SYT16: variants seen among roughly 807,000 people sequenced by gnomAD.
The protein encoded by SYT16 is synaptotagmin 16, also known as synaptotagmin-16.
A neutral mutation model predicts 61.4 loss-of-function variants in SYT16; 42 were observed. The ratio of observed to expected loss-of-function variants is 0.68; its 90% confidence interval spans 0.53 to 0.89. SYT16 has a LOEUF of 0.89. SYT16 is among the 40% of genes least tolerant of loss of function. The pLI is 0.00. For synonymous variants in SYT16, 314 were observed against 302.3 expected, an observed-to-expected ratio of 1.04 and a Z score of -0.40; for missense variants, 804 against 807.3, an observed-to-expected ratio of 1.00 and a Z score of 0.05.
chr14:62,011,001 A>G lies in SYT16; in HGVS notation c.523+14459A>G, dbSNP rs554227408. ...TAAATCAGTTTGTACATGAACCACA[A>G]TTTCTTACCCTTAATATTTCCCTTT... On this transcript the variant is annotated intron_variant, in intron 3 of 7. Transcript: ENST00000683842. Among the ~76,000 whole-genome samples the G allele has an allele frequency of 3.3e-5, 5 of 152,268 alleles. No individual in the cohort carries two copies. In the East Asian group the frequency reaches 9.6e-4, roughly 29 times the overall value.
chr14:61,954,818 C>T (rs1476992455), intron 1 of SYT16, among the ~76,000 whole-genome samples: 1 of 152,038 alleles, frequency 6.6e-6, no homozygotes, highest in Non-Finnish European at 1.5e-5. Context: ...GTGCTGACTA[C>T]AATTCTCATG....
chr14:61,866,042 AGTT>A (rs2047142171), intron 1 of SYT16, among the ~76,000 whole-genome samples: 1 of 152,204 alleles, frequency 6.6e-6, no homozygotes, highest in Non-Finnish European at 1.5e-5. Context: ...TTAAAATGTA[AGTT>A]GTTTTAATTA....
intron 1 of SYT16, chr14:61,831,909 C>T: frequency 2.0e-6 from 1 of 498,778 alleles, no homozygotes; most frequent in Non-Finnish European, 3.9e-6. Flanking sequence ...CTGGCGAAGC[C>T]CTGCAGGGGT....
intron 7 of SYT16, among the ~76,000 whole-genome samples, chr14:62,096,753 A>G (rs952048171): frequency 1.3e-5 from 2 of 152,172 alleles, no homozygotes; most frequent in East Asian, 3.8e-4. Flanking sequence ...TTGAGAAAAG[A>G]AGTTGGACAG....
chr14:62,097,506 C>A (rs902336413), intron 7 of SYT16, among the ~76,000 whole-genome samples: 2 of 152,194 alleles, frequency 1.3e-5, no homozygotes, highest in Non-Finnish European at 2.9e-5. Flanking sequence ...CCTGGTCATG[C>A]TCCCCAACTA....
intron 3 of SYT16, among the ~76,000 whole-genome samples, chr14:62,032,277 A>G (rs10143347): frequency 0.84 from 128,473 of 152,070 alleles, 56,039 homozygotes; most frequent in Non-Finnish European, 0.96. Context: ...GTAGGATGCT[A>G]TTAAGGTAAT....
At chr14:62,071,489 A>C (rs530748829) in intron 4 of SYT16, among the ~76,000 whole-genome samples, 51 of 152,334 alleles carry the variant, frequency 3.3e-4, no homozygotes, top group African/African-American at 1.2e-3. Context: ...AGAGGAAAAA[A>C]ATCTACTACA....
chr14:61,976,573 C>T (rs1275036859), intron 2 of SYT16, among the ~76,000 whole-genome samples: 1 of 152,178 alleles, frequency 6.6e-6, no homozygotes. Flanking sequence ...ATGTAAGCTA[C>T]CAAGACTTGG....
chr14:61,864,857 TC>T (rs1345313308), intron 1 of SYT16: 5 of 1,130,844 alleles, frequency 4.4e-6, no homozygotes, highest in Middle Eastern at 2.0e-4. Flanking sequence ...CTGCATATTC[TC>T]CCAGCCACCC....
At chr14:61,877,868 C>T (rs1329322312) in intron 1 of SYT16, among the ~76,000 whole-genome samples, 2 of 152,166 alleles carry the variant, frequency 1.3e-5, no homozygotes, top group Non-Finnish European at 2.9e-5. Context: ...TAGGCGTTAA[C>T]TAGACAATGG....
chr14:62,045,160 A>G (rs555749786), intron 3 of SYT16, among the ~76,000 whole-genome samples: 2 of 152,098 alleles, frequency 1.3e-5, no homozygotes, highest in South Asian at 2.1e-4. Flanking sequence ...AAATAAATAA[A>G]TAAAATAAAT....
rs11302757 is a variant in SYT16 at position 61,987,744 on chromosome 14, C to A, written c.-144-8132C>A. Among the ~76,000 whole-genome samples, 3 of 65,718 alleles carry A rather than the reference C, an allele frequency of 4.6e-5. No homozygotes were observed. The Admixed American group carries it at 6.7e-4, about 15-fold the overall frequency. The allele number at this position is 65,718 out of a possible 152,430, so 43.1% of individuals were successfully genotyped here. On this transcript the variant is annotated intron_variant, in intron 2 of 7. Coordinates refer to ENST00000683842, the MANE Select transcript of SYT16 (RefSeq NM_001367656.1). ...GGAGGGATTAGGAATGATTTTTTTC[C>A]TTTTTTTTTTTTTTACCACATTTTT...
At position 62,050,939 on chromosome 14, in the gene SYT16, G is replaced by T. The variant is rs1166111441; in HGVS notation, c.524-18664G>T. ...GGTCAGGGACCCACTTGAGGAGGCA[G>T]TCTGTCCGTTCTCAGATCTCAAGCT... On this transcript the variant is annotated intron_variant, in intron 3 of 7. Transcript: ENST00000683842. Among the ~76,000 whole-genome samples the T allele has an allele frequency of 3.9e-5, 6 of 152,242 alleles. No individual in the cohort carries two copies. The South Asian group carries it at 8.3e-4, about 21-fold the overall frequency.
At chr14:62,092,191 CA>C (rs1371283682) in intron 7 of SYT16, among the ~76,000 whole-genome samples, 2,059 of 99,822 alleles carry the variant, frequency 0.021, 46 homozygotes, top group African/African-American at 0.059. Flanking sequence ...CACACACACA[CA>C]CACACACACA....
rs1594864851 is a variant in SYT16 at position 61,899,900 on chromosome 14, A to ATTT, written c.-324-70232_-324-70231insTTT. 3.9e-5 allele frequency among the ~76,000 whole-genome samples: 6 copies of ATTT among 152,262 alleles called. No individual in the cohort carries two copies. The East Asian group carries it at 1.2e-3, about 29-fold the overall frequency. On this transcript the variant is annotated intron_variant, in intron 1 of 7. Coordinates refer to ENST00000683842, the MANE Select transcript of SYT16 (RefSeq NM_001367656.1). ...CAGAAGGGGGCACTCACTTCCCAAAAAGTTCCCCTTTCTTGGTGTTGATCT... is the reference window on the plus strand; with the variant it reads ...CAGAAGGGGGCACTCACTTCCCAAAATTTAGTTCCCCTTTCTTGGTGTTGATCT...
intron 2 of SYT16, among the ~76,000 whole-genome samples, chr14:61,974,983 G>T (rs796188385): frequency 5.3e-5 from 8 of 152,336 alleles, no homozygotes; most frequent in African/African-American, 1.9e-4. Flanking sequence ...CTTCTGACCT[G>T]CCCCAGCAGG....
At chr14:61,978,159 A>G (rs1453653490) in intron 2 of SYT16, among the ~76,000 whole-genome samples, 1 of 152,182 alleles carries the variant, frequency 6.6e-6, no homozygotes, top group African/African-American at 2.4e-5. Context: ...TTCAAATAAT[A>G]TAACATGCAT....
At chr14:62,012,220 G>A (rs539203964) in intron 3 of SYT16, among the ~76,000 whole-genome samples, 2 of 152,090 alleles carry the variant, frequency 1.3e-5, no homozygotes, top group African/African-American at 4.8e-5. Context: ...TATCAGCTGG[G>A]CTGCATCCTC....
intron 1 of SYT16, among the ~76,000 whole-genome samples, chr14:61,915,451 G>A (rs867104583): frequency 9.9e-5 from 15 of 151,948 alleles, no homozygotes; most frequent in African/African-American, 2.2e-4. Flanking sequence ...TATAAACATC[G>A]CATGTTTGAA....
Sources: gnomAD v4.1 joint callset for allele counts (sites outside exome capture counted in the v4.1 genomes callset) on GRCh38, gnomAD v4.1.1 for gene constraint, MANE v1.5 for transcripts, NCBI Gene and HGNC (gene_info 2026-07-23, HGNC 2026-07-21) for gene names.